CNTLN: variants seen among roughly 807,000 people sequenced by gnomAD.
CNTLN encodes the protein centlein, also known as centlein, centrosomal protein.
Under a neutral mutation model 180.0 loss-of-function variants are expected in CNTLN, and 212 were observed. The ratio of observed to expected loss-of-function variants is 1.18; its 90% CI spans 1.05 to 1.32. The LOEUF (loss-of-function observed/expected upper bound fraction) is 1.32. CNTLN is among the 40% of genes most tolerant of loss of function. The probability of loss-of-function intolerance (pLI) is 0.00; values close to 1 mark genes in which losing one functional copy is unlikely to be tolerated. For missense variants in CNTLN, 2,095 were observed against 1,610.9 expected (o/e 1.30, Z -5.14); for synonymous variants, 722 against 563.1 (o/e 1.28, Z -3.99).
At chr9:17,416,435 C>A (rs891880926) in intron 18 of CNTLN, among the ~76,000 whole-genome samples, 1 of 152,054 alleles carries the variant, frequency 6.6e-6, no homozygotes, top group African/African-American at 2.4e-5. Context: ...GTTCCTGTTC[C>A]TCTTAGTTTT....
chr9:17,517,378 C>T, the CNTLN span, among the ~76,000 whole-genome samples: 2 of 145,600 alleles, frequency 1.4e-5, no homozygotes, highest in African/African-American at 2.5e-5. Flanking sequence ...GGCAACAGAG[C>T]GAGACTCCAT....
At chr9:17,451,391 A>T (rs980403592) in intron 18 of CNTLN, among the ~76,000 whole-genome samples, 3 of 152,198 alleles carry the variant, frequency 2.0e-5, no homozygotes, top group Non-Finnish European at 4.4e-5. Flanking sequence ...AAATGAACTT[A>T]TTTCTGTATT....
chr9:17,306,120 C>G (rs1818686487), intron 7 of CNTLN, among the ~76,000 whole-genome samples: 1 of 150,232 alleles, frequency 6.7e-6, no homozygotes, highest in Non-Finnish European at 1.5e-5. Flanking sequence ...AAGTAGAGAA[C>G]ACAAGAAGGG....
intron 13 of CNTLN, among the ~76,000 whole-genome samples, chr9:17,373,282 A>AGGAT (rs570203432): frequency 1.9e-4 from 29 of 152,210 alleles, no homozygotes; most frequent in Non-Finnish European, 3.7e-4. Flanking sequence ...AGTAAAGTGG[A>AGGAT]GGATACAAAA....
intron 2 of CNTLN, among the ~76,000 whole-genome samples, chr9:17,157,182 C>T (rs968499400): frequency 1.6e-4 from 24 of 152,146 alleles, no homozygotes; most frequent in African/African-American, 5.6e-4. Context: ...TTTCTGATAC[C>T]ATTTGGCCTG....
Position 17,215,635 on chromosome 9 carries a change from G to A in CNTLN, c.450-10568G>A, listed in dbSNP as rs182857877. On this transcript the variant is annotated intron_variant, in intron 2 of 25. Coordinates refer to ENST00000380647, the MANE Select transcript of CNTLN (RefSeq NM_017738.4). Reference sequence around the variant, plus strand: ...TTTCTGCTGCCTTTTGTTTGGCTATGCCCTGCCCCCAGGGGTGGAGTCTGT... The same window carrying A: ...TTTCTGCTGCCTTTTGTTTGGCTATACCCTGCCCCCAGGGGTGGAGTCTGT... Among the ~76,000 whole-genome samples, 216 of 152,278 alleles carry A rather than the reference G, an allele frequency of 1.4e-3. 3 individuals are homozygous for A. Among genetic ancestry groups the A allele is most frequent in the African/African-American group, 4.9e-3 (202 of 41,570 alleles).
intron 5 of CNTLN, among the ~76,000 whole-genome samples, chr9:17,246,897 T>C (rs1013838989): frequency 6.0e-5 from 9 of 148,892 alleles, no homozygotes; most frequent in African/African-American, 2.0e-4. Flanking sequence ...GTTTTTTTTT[T>C]CTGGTCCAGG....
intron 2 of CNTLN, among the ~76,000 whole-genome samples, chr9:17,221,887 C>A (rs550730210): frequency 6.6e-6 from 1 of 152,058 alleles, no homozygotes; most frequent in African/African-American, 2.4e-5. Flanking sequence ...CTTCCCATAA[C>A]TGTATCTACC....
At chr9:17,295,170 G>T (rs979865952) in intron 6 of CNTLN, among the ~76,000 whole-genome samples, 1 of 151,936 alleles carries the variant, frequency 6.6e-6, no homozygotes, top group African/African-American at 2.4e-5. Context: ...TAGCTGGCCC[G>T]CAGGCGCTGC....
chr9:17,512,689 G>A, the CNTLN span, among the ~76,000 whole-genome samples: 1 of 152,180 alleles, frequency 6.6e-6, no homozygotes, highest in Non-Finnish European at 1.5e-5. Context: ...TTCAAAACAT[G>A]TATTTTCACA....
At chr9:17,460,310 C>T (rs1446815399) in intron 19 of CNTLN, among the ~76,000 whole-genome samples, 2 of 151,660 alleles carry the variant, frequency 1.3e-5, no homozygotes, top group African/African-American at 2.4e-5. Flanking sequence ...ATTCAATAAA[C>T]TTAGTATAGG....
In CNTLN at chr9:17,370,649, G is replaced by C. The variant is rs566159697; in HGVS notation, c.1987+3932G>C. On this transcript the variant is annotated intron_variant, in intron 13 of 25. Coordinates refer to ENST00000380647, the MANE Select transcript of CNTLN (RefSeq NM_017738.4). ...ACTGGCAATAGTAAGTACACAGAAT[G>C]ACATACAATATTGTAATACCGTAAC... is the stretch of plus-strand genomic sequence containing the variant. Among the ~76,000 whole-genome samples, 3 of 152,168 alleles carry C rather than the reference G, an allele frequency of 2.0e-5. No individual in the cohort carries two copies. In the East Asian group the frequency reaches 5.8e-4, roughly 29 times the overall value.
intron 14 of CNTLN, among the ~76,000 whole-genome samples, chr9:17,391,649 A>T (rs1473761569): frequency 6.6e-6 from 1 of 152,180 alleles, no homozygotes; most frequent in Non-Finnish European, 1.5e-5. Flanking sequence ...TTTATTTGTT[A>T]TATTTGTTTA....
At chr9:17,272,800 C>G (rs984030416) in intron 5 of CNTLN, among the ~76,000 whole-genome samples, 1 of 152,150 alleles carries the variant, frequency 6.6e-6, no homozygotes, top group African/African-American at 2.4e-5. Flanking sequence ...AATACATTTA[C>G]TCCTAACTGT....
At chr9:17,371,073 C>A (rs1431268675) in intron 13 of CNTLN, among the ~76,000 whole-genome samples, 4 of 151,946 alleles carry the variant, frequency 2.6e-5, no homozygotes, top group Admixed American at 2.0e-4. Flanking sequence ...AAAAGAAGAC[C>A]ACAAAATAAC....
chr9:17,412,487 G>C (rs1056866758), intron 16 of CNTLN, among the ~76,000 whole-genome samples: 1 of 152,154 alleles, frequency 6.6e-6, no homozygotes, highest in African/African-American at 2.4e-5. Flanking sequence ...CTTTATGTTG[G>C]TGTGAAATTG....
intron 2 of CNTLN, among the ~76,000 whole-genome samples, chr9:17,162,090 C>G (rs1819719989): frequency 6.6e-6 from 1 of 152,014 alleles, no homozygotes; most frequent in Non-Finnish European, 1.5e-5. Flanking sequence ...ACTGAGAAAG[C>G]TTTGATACTT....
chr9:17,220,081 C>T (rs1169825099), intron 2 of CNTLN, among the ~76,000 whole-genome samples: 2 of 152,046 alleles, frequency 1.3e-5, no homozygotes, highest in African/African-American at 4.8e-5. Flanking sequence ...GATTGCTGGG[C>T]CCCCACTCTT....
chr9:17,164,692 C>T (rs183806949), intron 2 of CNTLN, among the ~76,000 whole-genome samples: 73 of 151,608 alleles, frequency 4.8e-4, no homozygotes, highest in Middle Eastern at 6.8e-3. Flanking sequence ...GGTGATCTGC[C>T]TGCCTTAGCC....
Sources: allele counts gnomAD v4.1 joint callset (sites outside exome capture counted in the v4.1 genomes callset), GRCh38; gene constraint gnomAD v4.1.1; transcripts MANE v1.5; gene names NCBI Gene and HGNC (gene_info 2026-07-23, HGNC 2026-07-21).